The following SYT9 variants were observed in gnomAD, a reference collection of about 807,000 sequenced individuals.
SYT9 encodes synaptotagmin-9.
A neutral mutation model predicts 48.4 loss-of-function variants in SYT9; 22 were observed. That is an observed-to-expected ratio of 0.45 (90% confidence interval 0.32 to 0.65). SYT9 has a LOEUF of 0.65. Among genes scored for constraint, SYT9 ranks in the 30% least tolerant of loss-of-function variants. The pLI is 0.03. For synonymous variants in SYT9, 265 were observed against 245.0 expected (o/e 1.08, Z -0.76); for missense variants, 577 against 622.0 (o/e 0.93, Z 0.77).
chr11:7,305,237 A>G (rs1247399469), intron 2 of SYT9, among the ~76,000 whole-genome samples: 1 of 152,198 alleles, frequency 6.6e-6, no homozygotes, highest in African/African-American at 2.4e-5. Flanking sequence ...GAAGGCATGC[A>G]ATTACATTAT....
intron 6 of SYT9, among the ~76,000 whole-genome samples, chr11:7,446,813 C>G (rs947212370): frequency 6.6e-6 from 1 of 152,172 alleles, no homozygotes; most frequent in East Asian, 1.9e-4. Context: ...CCTGCCCTTT[C>G]TGTCTGTGAG....
chr11:7,273,939 T>TA (rs1447269074), intron 1 of SYT9, among the ~76,000 whole-genome samples: 1 of 152,014 alleles, frequency 6.6e-6, no homozygotes, highest in Non-Finnish European at 1.5e-5. Context: ...TTAGGACAAA[T>TA]ACCTAATGTA....
chr11:7,339,318 G>A (rs1461522975), intron 3 of SYT9, among the ~76,000 whole-genome samples: 1 of 152,016 alleles, frequency 6.6e-6, no homozygotes, highest in Non-Finnish European at 1.5e-5. Context: ...GTGCCATTCT[G>A]TGCCTTTTAA....
chr11:7,432,627 ATATATATATATT>A (rs1847627762), intron 6 of SYT9, among the ~76,000 whole-genome samples: 1 of 48,196 alleles, frequency 2.1e-5, no homozygotes, highest in Non-Finnish European at 4.3e-5. Context: ...ATATATATAT[ATATATATATATT>A]TAATGACTGC....
At chr11:7,403,222 T>C (rs10769788) in intron 3 of SYT9, among the ~76,000 whole-genome samples, 2 of 151,892 alleles carry the variant, frequency 1.3e-5, no homozygotes, top group African/African-American at 4.8e-5. Context: ...CAAAATACTT[T>C]CTAGTTTTCC....
Position 7,252,863 on chromosome 11 carries a change from C to G in SYT9, c.145+532C>G, listed in dbSNP as rs569237553. ...GGCGGGACGCGATCCGGCGTTGGGC[C>G]GGGGACAGGGTGCTTCTGGCCTTGG... On this transcript the variant is annotated intron_variant, in intron 1 of 6. Transcript: ENST00000318881. The surrounding 1 kb of genome is among the most constrained non-coding windows in gnomAD (Gnocchi z 6.3). Among the ~76,000 whole-genome samples the G allele has an allele frequency of 6.6e-6, 1 of 152,312 alleles. No homozygotes were observed. The highest frequency in any genetic ancestry group is 2.1e-4 in the South Asian group (1 of 4,826).
At chr11:7,410,807 G>T (rs1847123303) in intron 3 of SYT9, among the ~76,000 whole-genome samples, 1 of 152,030 alleles carries the variant, frequency 6.6e-6, no homozygotes, top group Non-Finnish European at 1.5e-5. Flanking sequence ...TATTCAACCA[G>T]TCTATATATT....
chr11:7,416,697 C>T (rs1406403672), intron 4 of SYT9, among the ~76,000 whole-genome samples: 7 of 152,128 alleles, frequency 4.6e-5, no homozygotes, highest in Non-Finnish European at 2.9e-5. Context: ...TATGCAAATA[C>T]GATGCCATTT....
chr11:7,336,570 A>T (rs7952375), intron 3 of SYT9, among the ~76,000 whole-genome samples: 3,755 of 152,184 alleles, frequency 0.025, 153 homozygotes, highest in African/African-American at 0.084. Flanking sequence ...CTAGCAAGTT[A>T]TCCCAGCACC....
intron 6 of SYT9, among the ~76,000 whole-genome samples, chr11:7,432,582 A>ATAT (rs1564902063): frequency 1.1e-3 from 4 of 3,510 alleles, no homozygotes; most frequent in African/African-American, 1.9e-3. Context: ...AAAAAAAAAA[A>ATAT]ATATATATAC....
chr11:7,376,687 G>A (rs1399190674), intron 3 of SYT9, among the ~76,000 whole-genome samples: 1 of 152,008 alleles, frequency 6.6e-6, no homozygotes, highest in Non-Finnish European at 1.5e-5. Context: ...ATATAGCATT[G>A]GGTAGAGCAA....
At chr11:7,453,460 C>G (rs1345117089) in intron 6 of SYT9, among the ~76,000 whole-genome samples, 2 of 152,172 alleles carry the variant, frequency 1.3e-5, no homozygotes, top group Non-Finnish European at 2.9e-5. Context: ...CATGCTATTC[C>G]CAACACTGGG....
chr11:7,267,086 T>C (rs1848197735), intron 1 of SYT9, among the ~76,000 whole-genome samples: 1 of 152,066 alleles, frequency 6.6e-6, no homozygotes, highest in Admixed American at 6.6e-5. Flanking sequence ...TTATTTTAGG[T>C]TCATAAATAG....
chr11:7,343,867 G>A (rs574968807), intron 3 of SYT9, among the ~76,000 whole-genome samples: 4 of 152,216 alleles, frequency 2.6e-5, no homozygotes, highest in East Asian at 3.8e-4. Flanking sequence ...TAAAAGGCAT[G>A]TCTTACATGG....
At chr11:7,401,873 A>G (rs1300781018) in intron 3 of SYT9, among the ~76,000 whole-genome samples, 1 of 150,640 alleles carries the variant, frequency 6.6e-6, no homozygotes, top group African/African-American at 2.4e-5. Flanking sequence ...TTCTTTCCTT[A>G]TATCTCCTTT....
chr11:7,321,899 T>C (rs1170988202), intron 3 of SYT9, among the ~76,000 whole-genome samples: 1 of 152,160 alleles, frequency 6.6e-6, no homozygotes, highest in East Asian at 1.9e-4. Context: ...ATGGTGCTGG[T>C]AGGAGTGTAT....
At chr11:7,343,117 G>A (rs2133992334) in intron 3 of SYT9, among the ~76,000 whole-genome samples, 1 of 152,344 alleles carries the variant, frequency 6.6e-6, no homozygotes, top group East Asian at 1.9e-4. Flanking sequence ...CCTGTGATGG[G>A]AGGGGCTGCT....
chr11:7,430,936 A>G (rs954925151), intron 6 of SYT9, among the ~76,000 whole-genome samples: 1 of 152,240 alleles, frequency 6.6e-6, no homozygotes, highest in Non-Finnish European at 1.5e-5. Flanking sequence ...TAGCAATGCA[A>G]GAAAAGCAGT....
intron 3 of SYT9, among the ~76,000 whole-genome samples, chr11:7,369,190 T>C (rs1850306414): frequency 6.6e-6 from 1 of 152,146 alleles, no homozygotes; most frequent in South Asian, 2.1e-4. Context: ...TGGCGTGAGA[T>C]GGTATCTCAC....
Sources: allele counts gnomAD v4.1 joint callset (sites outside exome capture counted in the v4.1 genomes callset), GRCh38; gene constraint gnomAD v4.1.1; non-coding constraint Gnocchi (gnomAD v3.1); transcripts MANE v1.5; gene names NCBI Gene and HGNC (gene_info 2026-07-23, HGNC 2026-07-21).